ZNF138: variants seen among roughly 807,000 people sequenced by gnomAD.
The protein encoded by ZNF138 is zinc finger protein 138 (clone pHZ-32).
In ZNF138, 33 loss-of-function variants were observed where a neutral mutation model predicts 33.0. That is an observed-to-expected ratio of 1.00 (90% CI 0.76 to 1.34). ZNF138 has a LOEUF of 1.34. Ranked by LOEUF, ZNF138 falls within the 40% of genes most tolerant of loss-of-function variation. The pLI, the probability that ZNF138 is intolerant of heterozygous loss-of-function variation, is 0.00. For synonymous variants in ZNF138, 139 were observed against 120.4 expected (o/e 1.15, Z -1.01); for missense variants, 360 against 370.8 (o/e 0.97, Z 0.24).
chr7:64,852,294 GA>G, the ZNF138 span: 1 of 778,226 alleles, frequency 1.3e-6, no homozygotes, highest in Admixed American at 2.6e-5. Flanking sequence ...CTGATATGTA[GA>G]TACAGTGAGA....
rs772120741 is a variant in ZNF138, at chr7:64,831,664, G to T, written c.422G>T (p.Cys141Phe). The change falls in exon 4 of 4, where the codon TGT becomes TTT. Residue 141 changes from cysteine (C) to phenylalanine (F), a missense_variant. Transcript: ENST00000307355. ...LKITTSKIFQ[C>F]NKYVKVMHKF... is the part of the protein sequence containing the mutation. ...ATTACCACAAGCAAAATATTTCAATGTAATAAATATGTAAAAGTCATGCAT... is the reference window on the plus strand; with the variant it reads ...ATTACCACAAGCAAAATATTTCAATTTAATAAATATGTAAAAGTCATGCAT... 1 of 1,608,914 alleles carries T rather than the reference G, an allele frequency of 6.2e-7. No individual in the cohort carries two copies. The highest frequency in any genetic ancestry group is 8.5e-7 in the Non-Finnish European group (1 of 1,178,090).
chr7:64,851,135 A>G, the ZNF138 span, among the ~76,000 whole-genome samples: 2 of 152,292 alleles, frequency 1.3e-5, no homozygotes, highest in African/African-American at 4.8e-5. Context: ...ATTCTGAAAT[A>G]TACAATACAT....
downstream of ZNF138, among the ~76,000 whole-genome samples, chr7:64,834,515 G>A (rs1790306729): frequency 6.6e-6 from 1 of 151,870 alleles, no homozygotes; most frequent in African/African-American, 2.4e-5. Context: ...TTTTTTCCTT[G>A]AAAAAAATTG....
At chr7:64,823,658 A>G (rs4579410) in intron 3 of ZNF138, among the ~76,000 whole-genome samples, 150,119 of 152,322 alleles carry the variant, frequency 0.99, 74,012 homozygotes, top group East Asian at 1. Context: ...TTAATGAGGC[A>G]GCTGGGCGCA....
At chr7:64,828,113 C>CTA (rs1268117976) in intron 3 of ZNF138, among the ~76,000 whole-genome samples, 2 of 151,378 alleles carry the variant, frequency 1.3e-5, no homozygotes, top group Non-Finnish European at 2.9e-5. Context: ...ATTTGTGAAC[C>CTA]TATATTATGT....
the ZNF138 span, among the ~76,000 whole-genome samples, chr7:64,847,260 G>T: frequency 6.7e-6 from 1 of 149,686 alleles, no homozygotes; most frequent in African/African-American, 2.5e-5. Flanking sequence ...ATCACTTGAG[G>T]TTAGGAGTTT....
intron 3 of ZNF138, among the ~76,000 whole-genome samples, chr7:64,827,948 A>G (rs1450172770): frequency 6.6e-6 from 1 of 152,190 alleles, no homozygotes; most frequent in Non-Finnish European, 1.5e-5. Context: ...AATATGAACC[A>G]TATGTCTACT....
chr7:64,837,782 A>G (rs1257842692), downstream of ZNF138, among the ~76,000 whole-genome samples: 1 of 152,162 alleles, frequency 6.6e-6, no homozygotes, highest in African/African-American at 2.4e-5. Flanking sequence ...CTGTTCGATG[A>G]GGGTTGAAGC....
chr7:64,800,642 A>T (rs1407880030), intron 1 of ZNF138, among the ~76,000 whole-genome samples: 1 of 152,172 alleles, frequency 6.6e-6, no homozygotes, highest in East Asian at 1.9e-4. Context: ...ATTTGCATAA[A>T]GTTTTCTTTT....
At chr7:64,814,818 G>C in intron 1 of ZNF138, 100 bp from the exon 2 acceptor site, 1 of 1,481,944 alleles carries the variant, frequency 6.7e-7, no homozygotes, top group Non-Finnish European at 9.2e-7. Context: ...GACATAATCA[G>C]TTTTCCTTAC....
At chr7:64,825,126 G>A (rs530040396) in intron 3 of ZNF138, among the ~76,000 whole-genome samples, 13 of 129,752 alleles carry the variant, frequency 1.0e-4, no homozygotes, top group Admixed American at 8.0e-4. Context: ...CCTAAAATGA[G>A]TCTCTTGTAG....
At chr7:64,853,328 C>G in the ZNF138 span, 2 of 1,602,502 alleles carry the variant, frequency 1.2e-6, no homozygotes, top group South Asian at 2.2e-5. Context: ...CGTAACTTTC[C>G]GGGTTAAAGG....
the ZNF138 span, among the ~76,000 whole-genome samples, chr7:64,859,012 C>G: frequency 6.6e-6 from 1 of 152,140 alleles, no homozygotes; most frequent in Non-Finnish European, 1.5e-5. Flanking sequence ...ACTGCCACCT[C>G]CACCTCCTGG....
At chr7:64,852,899 T>G in the ZNF138 span, 1 of 1,044,090 alleles carries the variant, frequency 9.6e-7, no homozygotes. Context: ...CGTTTCTGCC[T>G]CCTCAGCTGC....
chr7:64,852,777 C>A, the ZNF138 span: 1 of 846,330 alleles, frequency 1.2e-6, no homozygotes, highest in Non-Finnish European at 2.1e-6. Context: ...ACCAGCACAT[C>A]CCCTGGTACT....
chr7:64,846,423 C>T, the ZNF138 span, among the ~76,000 whole-genome samples: 1 of 152,128 alleles, frequency 6.6e-6, no homozygotes, highest in Non-Finnish European at 1.5e-5. Context: ...TTGCTTGTGT[C>T]GTGTATGATT....
rs61474587 is a variant in ZNF138 at position 64,827,642 on chromosome 7, A to AT, written c.209-3801dup. On this transcript the variant is annotated intron_variant, in intron 3 of 3. Coordinates refer to ENST00000307355, the MANE Select transcript of ZNF138 (RefSeq NM_001271639.2). Reference sequence around the variant, plus strand: ...TTGTGAATCAAGTATTATTAGTTAGATTTTTTTTATTACATCAAAATTTGG... The same window carrying AT: ...TTGTGAATCAAGTATTATTAGTTAGATTTTTTTTTATTACATCAAAATTTGG... Among the ~76,000 whole-genome samples the AT allele has an allele frequency of 2.0e-4, 30 of 151,750 alleles. No homozygotes were observed. In the South Asian group the frequency reaches 2.1e-3, roughly 11 times the overall value.
intron 1 of ZNF138, among the ~76,000 whole-genome samples, chr7:64,811,045 A>C (rs1181436947): frequency 6.6e-6 from 1 of 152,228 alleles, no homozygotes; most frequent in African/African-American, 2.4e-5. Flanking sequence ...TATAAACACA[A>C]TAAAAATTTC....
chr7:64,838,655 C>T (rs888890121), downstream of ZNF138, among the ~76,000 whole-genome samples: 7 of 152,140 alleles, frequency 4.6e-5, no homozygotes, highest in African/African-American at 1.7e-4. Context: ...TGGGGGCCCT[C>T]CGCTGCCTCA....
Sources: gnomAD v4.1 joint callset for allele counts (sites outside exome capture counted in the v4.1 genomes callset) on GRCh38, gnomAD v4.1.1 for gene constraint, MANE v1.5 for transcripts, NCBI Gene and HGNC (gene_info 2026-07-23, HGNC 2026-07-21) for gene names.